The following SPRR5 variants were observed in gnomAD, a reference collection of about 807,000 sequenced individuals.
SPRR5 encodes small proline rich protein 5.
At chr1:152,948,486 G>T (rs1651119770) in intron 1 of SPRR5, 51 bp from the exon 2 acceptor site, 1 of 290,504 alleles carries the variant, frequency 3.4e-6, no homozygotes. Context: ...CTGGGCTTAG[G>T]GTCTCTCTAT....
exon 2 of SPRR5, chr1:152,949,173 G>A (rs1651148591): frequency 6.6e-6 from 1 of 152,232 alleles, no homozygotes; most frequent in African/African-American, 2.4e-5. Context: ...CTGGAAACAT[G>A]AGCGGCATGC....
chr1:152,949,169 A>G (rs999545523), exon 2 of SPRR5: 1 of 152,268 alleles, frequency 6.6e-6, no homozygotes, highest in Non-Finnish European at 1.5e-5. Context: ...CCTGCTGGAA[A>G]CATGAGCGGC....
At position 152,948,857 on chromosome 1, in the gene SPRR5, G is replaced by A. The variant is rs370340079; in HGVS notation, c.303G>A (p.Gln101=). 3.5e-5 allele frequency: 7 copies of A among 199,170 alleles called. No individual in the cohort carries two copies. In the South Asian group the frequency reaches 1.2e-3, roughly 35 times the overall value. 12.3% of individuals were successfully genotyped at this position (199,170 alleles called of 1,614,324 possible). ...CCCCCAAGTGCCCACCCCCTCAGCA[G>A]TGCCAGACGTCCAAGCAGAAGTAAG... The change falls in exon 2 of 2, where the codon CAG becomes CAA. Residue 101 remains glutamine (Q), a synonymous_variant. Transcript: ENST00000636302.
intron 1 of SPRR5, among the ~76,000 whole-genome samples, 151 bp from the exon 2 acceptor site, chr1:152,948,386 G>GCACACACA (rs3054120): frequency 1.5e-4 from 23 of 150,038 alleles, no homozygotes; most frequent in African/African-American, 5.6e-4. Context: ...ATGCGCGCGC[G>GCACACACA]CACACACACA....
At chr1:152,947,551 T>G (rs1301742423) in intron 1 of SPRR5, among the ~76,000 whole-genome samples, 1 of 151,900 alleles carries the variant, frequency 6.6e-6, no homozygotes, top group Non-Finnish European at 1.5e-5. Context: ...AGGGAATTAG[T>G]AGGAGAGGAG....
At chr1:152,947,439 G>T (rs1255467064) in intron 1 of SPRR5, among the ~76,000 whole-genome samples, 191 bp downstream of exon 1, 2 of 152,126 alleles carry the variant, frequency 1.3e-5, no homozygotes, top group Non-Finnish European at 2.9e-5. Context: ...AGTGTGGGAG[G>T]CTGGGCTGAG....
chr1:152,948,407 T>C, intron 1 of SPRR5, 130 bp from the exon 2 acceptor site: 1 of 190,658 alleles, frequency 5.2e-6, no homozygotes, highest in Non-Finnish European at 1.1e-5. Context: ...CACACACTCC[T>C]CTTAAATCTG....
chr1:152,949,233 A>T (rs1477099974), exon 2 of SPRR5: 2 of 151,848 alleles, frequency 1.3e-5, no homozygotes, highest in Non-Finnish European at 2.9e-5. Context: ...TTTTCAAACA[A>T]TTAAAACAGA....
chr1:152,947,973 C>T (rs1023174684), intron 1 of SPRR5, among the ~76,000 whole-genome samples: 1 of 152,158 alleles, frequency 6.6e-6, no homozygotes, highest in Admixed American at 6.5e-5. Flanking sequence ...TACTACTCTG[C>T]ATGTGTGTGT....
intron 1 of SPRR5, among the ~76,000 whole-genome samples, chr1:152,948,296 C>T (rs1256893423): frequency 1.3e-5 from 2 of 152,014 alleles, no homozygotes; most frequent in Non-Finnish European, 2.9e-5. Flanking sequence ...CTCCCTTCCT[C>T]CTTTCCTATC....
chr1:152,948,382 G>GCACACACACACACACA (rs1004617547), intron 1 of SPRR5, among the ~76,000 whole-genome samples, 155 bp from the exon 2 acceptor site: 198 of 142,132 alleles, frequency 1.4e-3, no homozygotes, highest in African/African-American at 5.7e-3. Context: ...ACACATGCGC[G>GCACACACACACACACA]CGCGCACACA....
chr1:152,948,133 G>C (rs759227008), intron 1 of SPRR5, among the ~76,000 whole-genome samples: 1 of 152,166 alleles, frequency 6.6e-6, no homozygotes, highest in Non-Finnish European at 1.5e-5. Context: ...CCAGAACTCA[G>C]ATCCCAGGCA....
intron 1 of SPRR5, among the ~76,000 whole-genome samples, chr1:152,948,083 C>A (rs955545100): frequency 2.6e-4 from 39 of 152,050 alleles, no homozygotes; most frequent in African/African-American, 7.5e-4. Context: ...GTATGGAAAA[C>A]CTTAGTTGCT....
chr1:152,947,716 C>T (rs1468170318), intron 1 of SPRR5, among the ~76,000 whole-genome samples: 1 of 152,174 alleles, frequency 6.6e-6, no homozygotes, highest in Non-Finnish European at 1.5e-5. Flanking sequence ...CCATGGAAGG[C>T]TCTGCTCTGG....
intron 1 of SPRR5, among the ~76,000 whole-genome samples, 152 bp from the exon 2 acceptor site, chr1:152,948,385 C>T (rs1008456921): frequency 1.4e-5 from 2 of 142,662 alleles, no homozygotes; most frequent in South Asian, 2.1e-4. Context: ...CATGCGCGCG[C>T]GCACACACAC....
exon 2 of SPRR5, chr1:152,948,712 C>A: frequency 5.7e-6 from 1 of 175,962 alleles, no homozygotes; most frequent in South Asian, 2.4e-4. Context: ...TGCTGCCCCC[C>A]TCCCCAGCAG....
intron 1 of SPRR5, among the ~76,000 whole-genome samples, chr1:152,948,073 G>T (rs1026202413): frequency 1.3e-5 from 2 of 152,142 alleles, no homozygotes; most frequent in East Asian, 3.9e-4. Context: ...AGAGAGGTAA[G>T]TATGGAAAAC....
chr1:152,948,378 G>GCA (rs1491130231), intron 1 of SPRR5, among the ~76,000 whole-genome samples, 159 bp from the exon 2 acceptor site: 1 of 137,312 alleles, frequency 7.3e-6, no homozygotes, highest in Non-Finnish European at 1.5e-5. Flanking sequence ...GTTTACACAT[G>GCA]CGCGCGCGCA....
chr1:152,947,353 G>C (rs1022059199), intron 1 of SPRR5, 105 bp downstream of exon 1: 1 of 152,388 alleles, frequency 6.6e-6, no homozygotes, highest in Non-Finnish European at 1.5e-5. Flanking sequence ...GAAAGGATGG[G>C]TCTTTTGGGG....
Sources: gnomAD v4.1 joint callset for allele counts (sites outside exome capture counted in the v4.1 genomes callset) on GRCh38, gnomAD v4.1.1 for gene constraint, MANE v1.5 for transcripts, NCBI Gene and HGNC (gene_info 2026-07-23, HGNC 2026-07-21) for gene names.